Variants in CDIN1 observed in about 807,000 individuals in gnomAD.
CDIN1 encodes CDAN1 interacting nuclease 1.
A neutral mutation model predicts 45.3 loss-of-function variants in CDIN1; 33 were observed. The ratio of observed to expected loss-of-function variants is 0.73; its 90% CI spans 0.55 to 0.97. CDIN1 has a LOEUF of 0.97. Ranked by LOEUF, CDIN1 falls within the 50% of genes least tolerant of loss-of-function variation. The pLI is 0.00. For synonymous variants in CDIN1, 118 were observed against 124.4 expected, an observed-to-expected ratio of 0.95 and a Z score of 0.34; for missense variants, 303 against 339.4, an observed-to-expected ratio of 0.89 and a Z score of 0.84.
At chr15:36,583,982 C>G (rs2037172696) in intron 1 of CDIN1, among the ~76,000 whole-genome samples, 2 of 152,100 alleles carry the variant, frequency 1.3e-5, no homozygotes, top group South Asian at 4.1e-4. Context: ...CGCCACTGCA[C>G]TCCAGCCTGG....
chr15:36,585,321 A>G (rs1420919549), intron 1 of CDIN1, among the ~76,000 whole-genome samples: 1 of 152,212 alleles, frequency 6.6e-6, no homozygotes, highest in South Asian at 2.1e-4. Flanking sequence ...GAACTTTGCT[A>G]GTTTTTTCAC....
intron 1 of CDIN1, among the ~76,000 whole-genome samples, chr15:36,592,683 C>T (rs1030542285): frequency 6.6e-6 from 1 of 151,894 alleles, no homozygotes; most frequent in African/African-American, 2.4e-5. Flanking sequence ...AGGAGGAGTA[C>T]CTAGTATATT....
intron 1 of CDIN1, among the ~76,000 whole-genome samples, chr15:36,583,193 T>A (rs1459475681): frequency 6.6e-6 from 1 of 152,144 alleles, no homozygotes; most frequent in Non-Finnish European, 1.5e-5. Context: ...TTCTTTTCTG[T>A]CCTAATATAT....
rs377685100 is a variant in CDIN1 at position 36,765,057 on chromosome 15, C to CTTTTTTT, written c.717-43264_717-43263insTTTTTTT. Reference sequence around the variant, plus strand: ...ATTTTCTTTTCTTTTATTTTTCTTTCTTTCTTTTTTTTTTTTTAGATGGAG... The same window carrying CTTTTTTT: ...ATTTTCTTTTCTTTTATTTTTCTTTCTTTTTTTTTTCTTTTTTTTTTTTTAGATGGAG... On this transcript the variant is annotated intron_variant, in intron 10 of 10. Transcript: ENST00000566621. Among the ~76,000 whole-genome samples, 15 of 139,634 alleles carry CTTTTTTT rather than the reference C, an allele frequency of 1.1e-4. 1 individual carries two copies. Among genetic ancestry groups the CTTTTTTT allele is most frequent in the African/African-American group, 1.3e-4 (5 of 37,850 alleles). 91.6% of individuals were successfully genotyped at this position (139,634 alleles called of 152,430 possible).
intron 5 of CDIN1, among the ~76,000 whole-genome samples, chr15:36,664,028 T>C (rs1273283586): frequency 6.6e-6 from 1 of 152,110 alleles, no homozygotes; most frequent in Non-Finnish European, 1.5e-5. Context: ...ACAATGAAAG[T>C]AATAAAGGAA....
At chr15:36,617,476 T>G in intron 1 of CDIN1, 1 of 933,740 alleles carries the variant, frequency 1.1e-6, no homozygotes, top group Non-Finnish European at 1.8e-6. Flanking sequence ...ATTAGAATTC[T>G]GGTTTTCACG....
chr15:36,777,406 G>GA (rs61343212), intron 10 of CDIN1, among the ~76,000 whole-genome samples: 5,775 of 118,600 alleles, frequency 0.049, 181 homozygotes, highest in East Asian at 0.2. Flanking sequence ...TTTTAGATCT[G>GA]AAAAAAAAAA....
At chr15:36,738,954 T>G (rs912264089) in intron 10 of CDIN1, among the ~76,000 whole-genome samples, 6 of 152,246 alleles carry the variant, frequency 3.9e-5, no homozygotes, top group Non-Finnish European at 7.3e-5. Flanking sequence ...AAAATGTAAA[T>G]ATCATGTACC....
At chr15:36,650,400 A>ATTTT (rs35649363) in intron 3 of CDIN1, among the ~76,000 whole-genome samples, 2 of 143,972 alleles carry the variant, frequency 1.4e-5, no homozygotes, top group African/African-American at 5.1e-5. Context: ...GCTTGAGAAA[A>ATTTT]TTTTTATTTA....
chr15:36,712,764 G>A (rs2043099749), intron 10 of CDIN1, among the ~76,000 whole-genome samples: 2 of 152,028 alleles, frequency 1.3e-5, no homozygotes, highest in Admixed American at 6.6e-5. Context: ...AACATAAGCA[G>A]CCGTTCCTAC....
intron 10 of CDIN1, among the ~76,000 whole-genome samples, chr15:36,755,654 T>A (rs1212113498): frequency 6.7e-6 from 1 of 149,824 alleles, no homozygotes; most frequent in Non-Finnish European, 1.5e-5. Context: ...GGGAGACCTG[T>A]CCTATTTTCT....
intron 1 of CDIN1, among the ~76,000 whole-genome samples, chr15:36,619,503 C>G (rs1261664348): frequency 6.6e-6 from 1 of 151,730 alleles, no homozygotes; most frequent in Non-Finnish European, 1.5e-5. Flanking sequence ...ATCTATCTAT[C>G]TATCTATCTA....
chr15:36,705,970 T>C (rs2042849006), intron 8 of CDIN1: 1 of 152,176 alleles, frequency 6.6e-6, no homozygotes. Flanking sequence ...GTTCTTAATC[T>C]TTATCATTTT....
intron 5 of CDIN1, among the ~76,000 whole-genome samples, chr15:36,670,461 A>G (rs923829632): frequency 1.5e-4 from 23 of 152,142 alleles, no homozygotes; most frequent in African/African-American, 5.1e-4. Context: ...TTATTAACAG[A>G]CACCTTTGTA....
At chr15:36,786,968 C>T (rs2054507445) in intron 10 of CDIN1, among the ~76,000 whole-genome samples, 1 of 152,142 alleles carries the variant, frequency 6.6e-6, no homozygotes, top group Non-Finnish European at 1.5e-5. Flanking sequence ...CTTGTTCCTT[C>T]TCCTCCACCT....
intron 10 of CDIN1, among the ~76,000 whole-genome samples, chr15:36,793,888 C>T (rs375214538): frequency 1.8e-4 from 28 of 152,112 alleles, no homozygotes; most frequent in East Asian, 3.9e-4. Context: ...TTGCAAGTGC[C>T]GTGCCCAACA....
At chr15:36,732,378 A>G (rs1051943034) in intron 10 of CDIN1, among the ~76,000 whole-genome samples, 1 of 146,224 alleles carries the variant, frequency 6.8e-6, no homozygotes, top group Non-Finnish European at 1.5e-5. Flanking sequence ...CCTTGATTCC[A>G]TCAGACTACA....
chr15:36,631,242 TTTTTAAGAATGGC>T (rs146755079), intron 1 of CDIN1, among the ~76,000 whole-genome samples: 1,931 of 152,324 alleles, frequency 0.013, 50 homozygotes, highest in African/African-American at 0.044. Flanking sequence ...ATCTTCTATT[TTTTTAAGAATGGC>T]TTTATGGAGA....
At chr15:36,724,596 T>C (rs1386637788) in intron 10 of CDIN1, among the ~76,000 whole-genome samples, 1 of 152,034 alleles carries the variant, frequency 6.6e-6, no homozygotes, top group East Asian at 1.9e-4. Flanking sequence ...GATAGTTTGA[T>C]TTAGGGATCA....
Sources: gnomAD v4.1 joint callset for allele counts (sites outside exome capture counted in the v4.1 genomes callset) on GRCh38, gnomAD v4.1.1 for gene constraint, MANE v1.5 for transcripts, NCBI Gene and HGNC (gene_info 2026-07-23, HGNC 2026-07-21) for gene names.